Variants in CENPP observed in about 807,000 individuals in gnomAD.
CENPP encodes the protein centromere protein P.
CENPP carries 24 observed loss-of-function variants against 35.6 expected under a neutral mutation model. The observed-to-expected ratio is 0.67, with a 90% CI of 0.49 to 0.95. The LOEUF is 0.95. CENPP is among the 40% of genes least tolerant of loss of function. CENPP has a pLI of 0.00. For missense variants in CENPP, 332 were observed against 345.3 expected (o/e 0.96, Z 0.31); for synonymous variants, 120 against 125.5 (o/e 0.96, Z 0.29).
At chr9:92,337,477 A>T in intron 2 of CENPP, 64 bp from the exon 3 acceptor site, 2 of 915,372 alleles carry the variant, frequency 2.2e-6, no homozygotes, top group Non-Finnish European at 3.6e-6. Context: ...ACACAAAATT[A>T]AATAATACAC....
At chr9:92,502,749 G>T in intron 5 of CENPP, 5 of 907,562 alleles carry the variant, frequency 5.5e-6, no homozygotes, top group East Asian at 7.9e-5. Context: ...ATTATCATTA[G>T]TATTATCTAA....
intron 5 of CENPP, chr9:92,385,558 T>A (rs1053441): frequency 0.38 from 528,096 of 1,401,328 alleles, 108,816 homozygotes; most frequent in African/African-American, 0.82. Context: ...GTTCCTTTAC[T>A]CATTGTTGAG....
intron 3 of CENPP, among the ~76,000 whole-genome samples, chr9:92,338,507 A>G (rs989220259): frequency 6.6e-6 from 1 of 152,166 alleles, no homozygotes; most frequent in Non-Finnish European, 1.5e-5. Flanking sequence ...ACCCAATACA[A>G]TGTAAACGCT....
At chr9:92,428,102 C>A (rs979058528) in intron 5 of CENPP, among the ~76,000 whole-genome samples, 4 of 152,150 alleles carry the variant, frequency 2.6e-5, no homozygotes, top group African/African-American at 9.7e-5. Context: ...TAGAAACAGT[C>A]CAAACATTAA....
At chr9:92,505,712 G>C (rs753809178) in intron 5 of CENPP, 2 of 1,523,626 alleles carry the variant, frequency 1.3e-6, no homozygotes, top group Non-Finnish European at 1.8e-6. Flanking sequence ...AAAAGTATTA[G>C]AATATTAGGA....
chr9:92,511,286 C>T (rs1213478802), intron 5 of CENPP, among the ~76,000 whole-genome samples: 4 of 152,096 alleles, frequency 2.6e-5, no homozygotes, highest in African/African-American at 9.6e-5. Context: ...CCACCACGCT[C>T]GGCTAATTTT....
chr9:92,511,866 A>G (rs1847364566), intron 5 of CENPP: 1 of 558,386 alleles, frequency 1.8e-6, no homozygotes, highest in African/African-American at 1.9e-5. Context: ...ACTTGAATTC[A>G]AATTAGGGAC....
intron 5 of CENPP, among the ~76,000 whole-genome samples, chr9:92,512,845 G>T (rs1847438892): frequency 1.3e-5 from 2 of 152,094 alleles, no homozygotes; most frequent in Admixed American, 6.6e-5. Context: ...CTTTTCCAAG[G>T]CTTTAGACTT....
At chr9:92,453,254 T>G (rs935133740) in intron 5 of CENPP, among the ~76,000 whole-genome samples, 3 of 152,184 alleles carry the variant, frequency 2.0e-5, no homozygotes, top group Admixed American at 2.0e-4. Flanking sequence ...TAAATTTCCC[T>G]CTACACACTG....
chr9:92,522,047 GT>G (rs1848099820), intron 5 of CENPP, among the ~76,000 whole-genome samples: 1 of 152,014 alleles, frequency 6.6e-6, no homozygotes. Flanking sequence ...TCCTTAAGTT[GT>G]TTTTGGTTTT....
intron 5 of CENPP, 73 bp from the exon 6 acceptor site, chr9:92,611,241 T>C (rs1234196101): frequency 1.6e-6 from 2 of 1,223,230 alleles, no homozygotes; most frequent in Non-Finnish European, 2.4e-6. Context: ...CCTGGAACGG[T>C]GCCCCGTGCC....
chr9:92,514,987 G>A (rs1563979800), intron 5 of CENPP: 3 of 1,614,040 alleles, frequency 1.9e-6, no homozygotes, highest in Non-Finnish European at 2.5e-6. Flanking sequence ...CTGATTTCTA[G>A]ATTCAGGGGT....
chr9:92,429,513 G>A (rs1844049761), intron 5 of CENPP, among the ~76,000 whole-genome samples: 1 of 152,178 alleles, frequency 6.6e-6, no homozygotes, highest in Non-Finnish European at 1.5e-5. Flanking sequence ...CAGGCCAAGT[G>A]CAGTGGCTCA....
chr9:92,415,125 G>T lies in CENPP; in HGVS notation c.564+35266G>T, dbSNP rs534575934. On this transcript the variant is annotated intron_variant, in intron 5 of 7. Coordinates refer to ENST00000375587, the MANE Select transcript of CENPP (RefSeq NM_001012267.3). ...TATTAAGTATAGGTTTTGTGAAGTC[G>T]TAAGTGTATACCTATATAGTTTCTT... is the stretch of plus-strand genomic sequence containing the variant. The T allele has an allele frequency of 4.6e-6, 7 of 1,525,982 alleles. No homozygotes were observed. In the African/African-American group the frequency reaches 8.3e-5, roughly 18 times the overall value. The allele number at this position is 1,525,982 out of a possible 1,614,324, so 94.5% of individuals were successfully genotyped here. A position where few individuals can be genotyped will look rare whatever the true frequency, so the allele number is the denominator to read the frequency against.
chr9:92,334,159 C>T (rs1840846399), intron 2 of CENPP, among the ~76,000 whole-genome samples: 1 of 139,962 alleles, frequency 7.1e-6, no homozygotes, highest in African/African-American at 2.8e-5. Context: ...CTTCCTCTGT[C>T]GCCCAGGCTG....
intron 5 of CENPP, among the ~76,000 whole-genome samples, chr9:92,480,865 T>A (rs542727647): frequency 1.2e-4 from 17 of 143,624 alleles, no homozygotes; most frequent in African/African-American, 4.8e-4. Flanking sequence ...CATAGTCTTG[T>A]AAGCTAACAA....
chr9:92,519,002 G>T (rs1165567467), intron 5 of CENPP, among the ~76,000 whole-genome samples: 2 of 152,178 alleles, frequency 1.3e-5, no homozygotes, highest in African/African-American at 4.8e-5. Flanking sequence ...TTAGAAAGCT[G>T]AGGAGAATAT....
At chr9:92,388,487 A>G (rs1015303368) in intron 5 of CENPP, among the ~76,000 whole-genome samples, 3 of 151,900 alleles carry the variant, frequency 2.0e-5, no homozygotes, top group East Asian at 1.9e-4. Flanking sequence ...GGTCTTTAAC[A>G]TGTCTGTTAT....
At chr9:92,413,969 T>C (rs1026154027) in intron 5 of CENPP, among the ~76,000 whole-genome samples, 1 of 152,198 alleles carries the variant, frequency 6.6e-6, no homozygotes, top group African/African-American at 2.4e-5. Flanking sequence ...CTGTTGCATA[T>C]TGTCAGAATT....
Sources: gnomAD v4.1 joint callset for allele counts (sites outside exome capture counted in the v4.1 genomes callset) on GRCh38, gnomAD v4.1.1 for gene constraint, MANE v1.5 for transcripts, NCBI Gene and HGNC (gene_info 2026-07-23, HGNC 2026-07-21) for gene names.